GRIA4: variants seen among roughly 807,000 people sequenced by gnomAD.
GRIA4 encodes the protein glutamate receptor 4.
A neutral mutation model predicts 104.0 loss-of-function variants in GRIA4; 34 were observed. The observed-to-expected ratio is 0.33, with a 90% CI of 0.25 to 0.44. The LOEUF (loss-of-function observed/expected upper bound fraction) is 0.44, where lower values mean the gene tolerates loss of function less well. GRIA4 is among the 20% of genes least tolerant of loss of function. The pLI is 1.00. For synonymous variants in GRIA4, 386 were observed against 381.9 expected (o/e 1.01, Z -0.13); for missense variants, 750 against 1,096.5 (o/e 0.68, Z 4.46).
intron 4 of GRIA4, among the ~76,000 whole-genome samples, chr11:105,807,523 A>G (rs908071451): frequency 9.9e-5 from 15 of 152,046 alleles, no homozygotes; most frequent in South Asian, 4.1e-4. Flanking sequence ...TTGAGGTTAC[A>G]GAGGAAAAAT....
chr11:105,969,745 C>G (rs2136280763), intron 14 of GRIA4, among the ~76,000 whole-genome samples: 1 of 152,222 alleles, frequency 6.6e-6, no homozygotes, highest in African/African-American at 2.4e-5. Flanking sequence ...GGGAGCTTGC[C>G]TGGGGACCTA....
chr11:105,658,240 T>C (rs1024836987), intron 3 of GRIA4, among the ~76,000 whole-genome samples: 1 of 151,840 alleles, frequency 6.6e-6, no homozygotes, highest in Non-Finnish European at 1.5e-5. Context: ...TATTCAAATA[T>C]GAAATATGCA....
chr11:105,946,103 T>C (rs1209081741), intron 14 of GRIA4, among the ~76,000 whole-genome samples: 1 of 152,206 alleles, frequency 6.6e-6, no homozygotes, highest in Non-Finnish European at 1.5e-5. Context: ...AATATTGTGT[T>C]GAGCATCATC....
intron 14 of GRIA4, among the ~76,000 whole-genome samples, chr11:105,959,768 C>A (rs1287910019): frequency 6.6e-6 from 1 of 152,160 alleles, no homozygotes; most frequent in East Asian, 1.9e-4. Flanking sequence ...AGGCTGCTGA[C>A]CCTTGGATGG....
intron 4 of GRIA4, among the ~76,000 whole-genome samples, chr11:105,833,877 G>A (rs887590387): frequency 6.6e-6 from 1 of 151,812 alleles, no homozygotes; most frequent in South Asian, 2.1e-4. Context: ...TATTCATATT[G>A]TTTTTCTCTA....
At chr11:105,775,778 C>T (rs1181467525) in intron 4 of GRIA4, among the ~76,000 whole-genome samples, 1 of 151,840 alleles carries the variant, frequency 6.6e-6, no homozygotes, top group South Asian at 2.1e-4. Flanking sequence ...TCAGAAAGTA[C>T]CTCTTTCTAA....
chr11:105,849,552 C>T (rs1944723200), intron 4 of GRIA4, among the ~76,000 whole-genome samples: 1 of 152,148 alleles, frequency 6.6e-6, no homozygotes, highest in South Asian at 2.1e-4. Flanking sequence ...CGCTGAACTA[C>T]CTATTTAAAC....
chr11:105,652,429 G>A (rs1951710455), intron 3 of GRIA4, among the ~76,000 whole-genome samples: 1 of 152,134 alleles, frequency 6.6e-6, no homozygotes, highest in Non-Finnish European at 1.5e-5. Context: ...GGCTTCCAGT[G>A]TAACCAGTAA....
intron 3 of GRIA4, among the ~76,000 whole-genome samples, chr11:105,681,930 T>A (rs1172213247): frequency 6.6e-6 from 1 of 151,888 alleles, no homozygotes; most frequent in Non-Finnish European, 1.5e-5. Flanking sequence ...TAATCCCAGC[T>A]CCTCAGGAGG....
At chr11:105,969,737 G>A (rs1858586662) in intron 14 of GRIA4, among the ~76,000 whole-genome samples, 1 of 152,146 alleles carries the variant, frequency 6.6e-6, no homozygotes, top group Non-Finnish European at 1.5e-5. Flanking sequence ...AGGCTTTGGG[G>A]AGCTTGCCTG....
At chr11:105,920,127 G>A (rs376815482) in intron 11 of GRIA4, among the ~76,000 whole-genome samples, 11 of 151,970 alleles carry the variant, frequency 7.2e-5, no homozygotes, top group African/African-American at 2.4e-4. Flanking sequence ...GCAGAATGAG[G>A]AAATTGTTAG....
chr11:105,884,292 A>G (rs147375934), intron 5 of GRIA4, among the ~76,000 whole-genome samples: 90 of 152,356 alleles, frequency 5.9e-4, no homozygotes, highest in African/African-American at 1.9e-3. Flanking sequence ...AAGCAATTAC[A>G]TAGGAGATAC....
At chr11:105,769,418 G>C (rs1941109360) in intron 4 of GRIA4, among the ~76,000 whole-genome samples, 1 of 152,014 alleles carries the variant, frequency 6.6e-6, no homozygotes, top group South Asian at 2.1e-4. Context: ...TTCATAGAGA[G>C]AACAGTGTAC....
chr11:105,688,156 C>CTCTATCTCTATCTA (rs1555101401), intron 3 of GRIA4, among the ~76,000 whole-genome samples: 13 of 72,774 alleles, frequency 1.8e-4, no homozygotes, highest in African/African-American at 5.6e-4. Context: ...ATATCTATAT[C>CTCTATCTCTATCTA]TCTATCTATC....
chr11:105,800,655 C>T (rs1458483674), intron 4 of GRIA4, among the ~76,000 whole-genome samples: 3 of 151,986 alleles, frequency 2.0e-5, no homozygotes, highest in Non-Finnish European at 2.9e-5. Flanking sequence ...AATAAGAAGT[C>T]AAATATTTAT....
At chr11:105,891,319 C>T (rs918569258) in intron 6 of GRIA4, among the ~76,000 whole-genome samples, 4 of 152,160 alleles carry the variant, frequency 2.6e-5, no homozygotes, top group African/African-American at 9.7e-5. Flanking sequence ...TTGGATGTCT[C>T]TCCAAATGAC....
At chr11:105,728,128 C>A (rs553751502) in intron 3 of GRIA4, among the ~76,000 whole-genome samples, 1 of 152,204 alleles carries the variant, frequency 6.6e-6, no homozygotes, top group African/African-American at 2.4e-5. Flanking sequence ...TTCAGGAGAC[C>A]CATGTCATGT....
chr11:105,970,995 T>G (rs1858660474), intron 14 of GRIA4, among the ~76,000 whole-genome samples: 1 of 152,150 alleles, frequency 6.6e-6, no homozygotes, highest in African/African-American at 2.4e-5. Flanking sequence ...TCAAAGATAG[T>G]AGAGGAGACA....
At chr11:105,818,216 A>G (rs1341202509) in intron 4 of GRIA4, among the ~76,000 whole-genome samples, 1 of 152,106 alleles carries the variant, frequency 6.6e-6, no homozygotes, top group African/African-American at 2.4e-5. Context: ...TTGGTTAGAA[A>G]AAGGTGATGT....
Sources: gnomAD v4.1 joint callset for allele counts (sites outside exome capture counted in the v4.1 genomes callset) on GRCh38, gnomAD v4.1.1 for gene constraint, MANE v1.5 for transcripts, NCBI Gene and HGNC (gene_info 2026-07-23, HGNC 2026-07-21) for gene names.